DAB1: variants seen among roughly 807,000 people sequenced by gnomAD.
DAB1 encodes DAB adaptor protein 1.
Under a neutral mutation model 64.6 loss-of-function variants are expected in DAB1, and 15 were observed. The ratio of observed to expected loss-of-function variants is 0.23; its 90% CI spans 0.16 to 0.36. DAB1 has a LOEUF of 0.36. Ranked by LOEUF, DAB1 falls within the 10% of genes least tolerant of loss-of-function variation. The probability of loss-of-function intolerance (pLI) is 1.00; values close to 1 mark genes in which losing one functional copy is unlikely to be tolerated. For missense variants in DAB1, 596 were observed against 706.7 expected (o/e 0.84, Z 1.78); for synonymous variants, 235 against 251.9 (o/e 0.93, Z 0.64).
At chr1:58,363,505 CA>C (rs1416792329) in intron 3 of DAB1, among the ~76,000 whole-genome samples, 1 of 152,196 alleles carries the variant, frequency 6.6e-6, no homozygotes, top group Non-Finnish European at 1.5e-5. Flanking sequence ...GCCAATTCTG[CA>C]AACTCAGTTT....
At chr1:57,187,938 A>G (rs1663748413) in intron 2 of DAB1, among the ~76,000 whole-genome samples, 1 of 152,118 alleles carries the variant, frequency 6.6e-6, no homozygotes, top group Admixed American at 6.6e-5. Context: ...AGAGAGACAG[A>G]CAGACACCCC....
At chr1:58,328,658 T>C (rs1662896870) in intron 4 of DAB1, among the ~76,000 whole-genome samples, 1 of 152,144 alleles carries the variant, frequency 6.6e-6, no homozygotes, top group African/African-American at 2.4e-5. Flanking sequence ...CAGGCTGGAA[T>C]ACAGTGGAGT....
At chr1:57,566,398 C>T (rs1471539070) in intron 7 of DAB1, among the ~76,000 whole-genome samples, 9 of 151,886 alleles carry the variant, frequency 5.9e-5, no homozygotes, top group East Asian at 1.9e-4. Flanking sequence ...ATTCAAAAGC[C>T]AGCAGAAGGC....
chr1:57,824,694 G>T (rs1652268027), downstream of DAB1, among the ~76,000 whole-genome samples: 1 of 152,194 alleles, frequency 6.6e-6, no homozygotes, highest in African/African-American at 2.4e-5. Context: ...GCCTCTCAGA[G>T]AAAACAAATA....
At chr1:57,451,518 A>G (rs1017291353) in intron 7 of DAB1, among the ~76,000 whole-genome samples, 2 of 152,126 alleles carry the variant, frequency 1.3e-5, no homozygotes, top group African/African-American at 2.4e-5. Context: ...AATTGAAATC[A>G]TTTTCCTTGT....
At chr1:58,290,679 C>T (rs1216101605) in intron 4 of DAB1, among the ~76,000 whole-genome samples, 4 of 152,186 alleles carry the variant, frequency 2.6e-5, no homozygotes, top group African/African-American at 7.2e-5. Context: ...GTATTCTGGT[C>T]TCACAAGAAA....
At chr1:57,609,318 A>G (rs1645697603) in intron 7 of DAB1, among the ~76,000 whole-genome samples, 1 of 152,264 alleles carries the variant, frequency 6.6e-6, no homozygotes, top group Non-Finnish European at 1.5e-5. Flanking sequence ...TTCCCTAAGC[A>G]ATATAGTACA....
intron 1 of DAB1, among the ~76,000 whole-genome samples, chr1:57,375,548 T>C (rs1367279398): frequency 6.6e-6 from 1 of 152,158 alleles, no homozygotes; most frequent in Middle Eastern, 3.2e-3. Context: ...GACACAGAAA[T>C]ATATGCAGTA....
chr1:57,194,345 A>G (rs1324510690), intron 2 of DAB1, among the ~76,000 whole-genome samples: 1 of 152,182 alleles, frequency 6.6e-6, no homozygotes, highest in Non-Finnish European at 1.5e-5. Flanking sequence ...CTGTTTAGTG[A>G]GGCCTGAGTG....
intron 6 of DAB1, among the ~76,000 whole-genome samples, chr1:57,660,910 C>T (rs951038102): frequency 5.9e-5 from 9 of 152,300 alleles, no homozygotes; most frequent in Admixed American, 5.9e-4. Flanking sequence ...CCCTGACACC[C>T]TTACTCCCTA....
intron 3 of DAB1, among the ~76,000 whole-genome samples, chr1:58,344,648 G>C (rs1426853060): frequency 6.6e-6 from 1 of 152,150 alleles, no homozygotes; most frequent in Non-Finnish European, 1.5e-5. Flanking sequence ...GAAACATAAT[G>C]GTGGGCTGAG....
At position 57,207,446 on chromosome 1, in the gene DAB1, C is replaced by CTTTTTTTTTT. The variant is rs772989513; in HGVS notation, c.68-62027_68-62018dup. 5.1e-3 allele frequency among the ~76,000 whole-genome samples: 506 copies of CTTTTTTTTTT among 98,352 alleles called. 68 individuals carry two copies. Among genetic ancestry groups the CTTTTTTTTTT allele is most frequent in the East Asian group, 0.051 (186 of 3,648 alleles). The allele number at this position is 98,352 out of a possible 152,430, so 64.5% of individuals were successfully genotyped here. On this transcript the variant is annotated intron_variant, in intron 2 of 14. Coordinates refer to ENST00000371236, the MANE Select transcript of DAB1 (RefSeq NM_001365792.1). ...CTGTAATTCATACCTTATTTCCTTT[C>CTTTTTTTTTT]TTTTTTTTTTTTTTTGAGATGGAGT...
intron 7 of DAB1, among the ~76,000 whole-genome samples, chr1:57,573,478 G>A (rs1015272766): frequency 1.1e-4 from 16 of 152,074 alleles, no homozygotes; most frequent in African/African-American, 3.4e-4. Flanking sequence ...AAACCTAAAG[G>A]GAGAGCAAAC....
At chr1:57,302,724 C>T (rs1004145322) in intron 1 of DAB1, among the ~76,000 whole-genome samples, 15 of 152,172 alleles carry the variant, frequency 9.9e-5, no homozygotes, top group African/African-American at 3.6e-4. Context: ...CCACCTCAAC[C>T]TCCCAAGTAG....
intron 3 of DAB1, among the ~76,000 whole-genome samples, chr1:58,379,361 C>G (rs1644367185): frequency 6.6e-6 from 1 of 152,182 alleles, no homozygotes; most frequent in Non-Finnish European, 1.5e-5. Flanking sequence ...CTACTAATGG[C>G]TCTATGAAAT....
At chr1:58,090,471 C>T (rs1286109352) in intron 5 of DAB1, among the ~76,000 whole-genome samples, 1 of 152,154 alleles carries the variant, frequency 6.6e-6, no homozygotes, top group South Asian at 2.1e-4. Context: ...GCCTATCATG[C>T]CAATTCCCTT....
intron 4 of DAB1, among the ~76,000 whole-genome samples, chr1:58,261,786 G>T (rs1002630600): frequency 6.6e-6 from 1 of 151,984 alleles, no homozygotes; most frequent in African/African-American, 2.4e-5. Context: ...TGAACTCCTG[G>T]GCTCAAGCAA....
intron 5 of DAB1, among the ~76,000 whole-genome samples, chr1:57,945,721 C>T (rs1645175261): frequency 6.6e-6 from 1 of 152,148 alleles, no homozygotes; most frequent in South Asian, 2.1e-4. Flanking sequence ...CATATACATA[C>T]CTGCATATAT....
chr1:57,426,340 G>T (rs758422962), upstream of DAB1, among the ~76,000 whole-genome samples: 17 of 152,334 alleles, frequency 1.1e-4, no homozygotes, highest in Non-Finnish European at 2.1e-4. Flanking sequence ...AAATTCAACA[G>T]GGGTAACAAG....
Sources: gnomAD v4.1 joint callset for allele counts (sites outside exome capture counted in the v4.1 genomes callset) on GRCh38, gnomAD v4.1.1 for gene constraint, MANE v1.5 for transcripts, NCBI Gene and HGNC (gene_info 2026-07-23, HGNC 2026-07-21) for gene names.